The following CACNA1B variants were observed in gnomAD, a reference collection of about 807,000 sequenced individuals.
The protein encoded by CACNA1B is calcium voltage-gated channel subunit alpha1 B.
In CACNA1B, 70 loss-of-function variants were observed where a neutral mutation model predicts 247.2. That is an observed-to-expected ratio of 0.28 (90% CI 0.23 to 0.35). The LOEUF (loss-of-function observed/expected upper bound fraction) is 0.35. Among genes scored for constraint, CACNA1B ranks in the 10% least tolerant of loss-of-function variants. The probability of loss-of-function intolerance (pLI) is 1.00; values close to 1 mark genes in which losing one functional copy is unlikely to be tolerated. For missense variants in CACNA1B, 2,367 were observed against 3,197.4 expected (o/e 0.74, Z 6.26); for synonymous variants, 1,231 against 1,294.4 (o/e 0.95, Z 1.05).
chr9:137,879,914 G>A (rs1423869740), intron 2 of CACNA1B, among the ~76,000 whole-genome samples: 1 of 152,194 alleles, frequency 6.6e-6, no homozygotes, highest in African/African-American at 2.4e-5. Flanking sequence ...CTTCCCTGAT[G>A]CCTGGCCCCA....
intron 25 of CACNA1B, among the ~76,000 whole-genome samples, chr9:138,053,570 A>C (rs1335028232): frequency 6.7e-6 from 1 of 149,604 alleles, no homozygotes; most frequent in African/African-American, 2.5e-5. Context: ...ACCTCTTGTC[A>C]TGGCTCCACT....
At chr9:138,077,290 G>A (rs1960360027) in intron 35 of CACNA1B, among the ~76,000 whole-genome samples, 1 of 152,250 alleles carries the variant, frequency 6.6e-6, no homozygotes, top group Non-Finnish European at 1.5e-5. Context: ...AGCCCCCGGT[G>A]CTGGCTGTGT....
chr9:138,070,644 G>A (rs561040476), intron 32 of CACNA1B, among the ~76,000 whole-genome samples: 11 of 152,354 alleles, frequency 7.2e-5, no homozygotes, highest in East Asian at 3.9e-4. Flanking sequence ...AAGAGCTAGC[G>A]TTTTGAGAAA....
chr9:137,989,292 C>T (rs759365461), intron 15 of CACNA1B, among the ~76,000 whole-genome samples: 19 of 152,072 alleles, frequency 1.2e-4, no homozygotes, highest in South Asian at 2.1e-4. Flanking sequence ...CAGAGTGAAC[C>T]GTACGCCGGG....
intron 31 of CACNA1B, among the ~76,000 whole-genome samples, chr9:138,061,934 G>T (rs557630008): frequency 6.6e-6 from 1 of 152,236 alleles, no homozygotes; most frequent in Admixed American, 6.5e-5. Flanking sequence ...TCTTGGCCAC[G>T]ATGGTCACCC....
At chr9:138,081,763 G>A (rs1441932598) in intron 36 of CACNA1B, among the ~76,000 whole-genome samples, 2 of 151,150 alleles carry the variant, frequency 1.3e-5, no homozygotes, top group East Asian at 4.1e-4. Context: ...TAGAACCTAA[G>A]CTTTTGAAAT....
In CACNA1B at chr9:138,011,941, C is replaced by T. The variant is rs1289442928; in HGVS notation, c.2161-1188C>T. 6.6e-6 allele frequency among the ~76,000 whole-genome samples: 1 copy of T among 152,164 alleles called. No individual in the cohort carries two copies. Among genetic ancestry groups the T allele is most frequent in the Non-Finnish European group, 1.5e-5 (1 of 68,032 alleles). ...TGGCCCCAGCAGTCCAGATGGACAA[C>T]GTGGAAGTCGTAGCTTCCATTCTGA... On this transcript the variant is annotated intron_variant, in intron 17 of 46. Transcript: ENST00000371372. This position sits in a 1 kb window ranked among gnomAD's most constrained non-coding sequence, Gnocchi z 4.2.
At chr9:138,092,633 A>G (rs1264801116) in intron 36 of CACNA1B, among the ~76,000 whole-genome samples, 1 of 152,244 alleles carries the variant, frequency 6.6e-6, no homozygotes, top group Non-Finnish European at 1.5e-5. Flanking sequence ...GCTTACGAAG[A>G]TGACAGGATT....
At chr9:137,923,309 A>AGTATTCCGTGGCTCCAGGTG (rs1957510670) in intron 6 of CACNA1B, among the ~76,000 whole-genome samples, 1 of 117,010 alleles carries the variant, frequency 8.5e-6, no homozygotes, top group Non-Finnish European at 1.7e-5. Context: ...GGTGCCAGGT[A>AGTATTCCGTGGCTCCAGGTG]GTATTCCGTG....
At position 138,023,216 on chromosome 9, in the gene CACNA1B, G is replaced by A; in HGVS notation, c.2473G>A (p.Gly825Ser). 2.0e-6 allele frequency: 3 copies of A among 1,511,118 alleles called. No homozygotes were observed. Among genetic ancestry groups the A allele is most frequent in the Non-Finnish European group, 1.8e-6 (2 of 1,138,234 alleles). 93.6% of individuals were successfully genotyped at this position (1,511,118 alleles called of 1,614,324 possible). The change falls in exon 19 of 47, where the codon GGC becomes AGC. Residue 825 changes from glycine to serine, a missense_variant. By Grantham distance (56) the Gly-to-Ser change is moderately conservative. Coordinates refer to ENST00000371372, the MANE Select transcript of CACNA1B (RefSeq NM_000718.4). ...RPLVVELGRDGARGPVGGKAR... is the reference protein window; with the variant it reads ...RPLVVELGRDSARGPVGGKAR... Reference sequence around the variant, plus strand: ...GCTGGTGGTGGAGCTGGGCCGCGACGGCGCGCGGGGGCCCGTGGGAGGCAA... The same window carrying A: ...GCTGGTGGTGGAGCTGGGCCGCGACAGCGCGCGGGGGCCCGTGGGAGGCAA...
chr9:137,984,346 C>T, intron 13 of CACNA1B, 96 bp downstream of exon 13: 2 of 838,548 alleles, frequency 2.4e-6, no homozygotes. Flanking sequence ...TTCACAGCAC[C>T]CAGAAGCTCT....
chr9:138,092,530 C>T (rs1960912766), intron 36 of CACNA1B, among the ~76,000 whole-genome samples: 1 of 152,140 alleles, frequency 6.6e-6, no homozygotes, highest in African/African-American at 2.4e-5. Flanking sequence ...TTTAGGATGA[C>T]CAGATTTCAT....
At position 138,076,927 on chromosome 9, in the gene CACNA1B, G is replaced by A. The variant is rs1960342016; in HGVS notation, c.4949+1017G>A. Among the ~76,000 whole-genome samples the A allele has an allele frequency of 2.0e-5, 3 of 152,202 alleles. No homozygotes were observed. The South Asian group carries it at 6.2e-4, about 31-fold the overall frequency. Reference sequence around the variant, plus strand: ...GCATAACATAAGCAAGCACCCTTAGGCTGACACTGTCCCCAGATGATGTTG... The same window carrying A: ...GCATAACATAAGCAAGCACCCTTAGACTGACACTGTCCCCAGATGATGTTG... On this transcript the variant is annotated intron_variant, in intron 35 of 46. Transcript: ENST00000371372.
intron 15 of CACNA1B, among the ~76,000 whole-genome samples, chr9:138,002,265 A>G (rs1958586213): frequency 6.6e-6 from 1 of 152,216 alleles, no homozygotes; most frequent in Non-Finnish European, 1.5e-5. Context: ...TCAATGGAGG[A>G]AGGATGGACT....
chr9:138,073,961 C>T lies in CACNA1B; in HGVS notation c.4792-40C>T. The T allele has an allele frequency of 3.8e-6, 6 of 1,565,282 alleles. No homozygotes were observed. Among genetic ancestry groups the T allele is most frequent in the African/African-American group, 1.3e-5 (1 of 74,228 alleles). On this transcript the variant is annotated intron_variant, in intron 33 of 46. Coordinates refer to ENST00000371372, the MANE Select transcript of CACNA1B (RefSeq NM_000718.4). This position sits in a 1 kb window ranked among gnomAD's most constrained non-coding sequence, Gnocchi z 6.4. Reference sequence around the variant, plus strand: ...GTAGCAGGAGGCCTGGGCGTGGTGGCTGGGAGGTGCCTGTAGCTGACCGGC... The same window carrying T: ...GTAGCAGGAGGCCTGGGCGTGGTGGTTGGGAGGTGCCTGTAGCTGACCGGC...
intron 36 of CACNA1B, among the ~76,000 whole-genome samples, chr9:138,091,919 CG>C (rs895088624): frequency 1.3e-5 from 2 of 152,116 alleles, no homozygotes; most frequent in Non-Finnish European, 2.9e-5. Flanking sequence ...GCTGGGCCTC[CG>C]GGGGTGACAT....
intron 31 of CACNA1B, among the ~76,000 whole-genome samples, chr9:138,061,535 C>T (rs147145001): frequency 8.5e-5 from 13 of 152,218 alleles, no homozygotes; most frequent in African/African-American, 1.9e-4. Flanking sequence ...GGCATTTTAT[C>T]TCTGCCTTTA....
intron 21 of CACNA1B, among the ~76,000 whole-genome samples, chr9:138,045,314 A>G (rs1385875544): frequency 2.6e-5 from 4 of 152,184 alleles, no homozygotes; most frequent in African/African-American, 4.8e-5. Context: ...CTCGGATTGC[A>G]GCCCAGCAGG....
At chr9:138,120,092 A>G in intron 44 of CACNA1B, 73 bp from the exon 45 acceptor site, 1 of 1,295,996 alleles carries the variant, frequency 7.7e-7, no homozygotes. Flanking sequence ...CTGCTCCACC[A>G]CCCACTTCCA....
Sources: allele counts gnomAD v4.1 joint callset (sites outside exome capture counted in the v4.1 genomes callset), GRCh38; gene constraint gnomAD v4.1.1; non-coding constraint Gnocchi (gnomAD v3.1); transcripts MANE v1.5; gene names NCBI Gene and HGNC (gene_info 2026-07-23, HGNC 2026-07-21).